TENM1: variants seen among roughly 807,000 people sequenced by gnomAD.
TENM1 encodes the protein teneurin-1.
A neutral mutation model predicts 174.8 loss-of-function variants in TENM1; 35 were observed. The observed-to-expected ratio is 0.20, with a 90% CI of 0.15 to 0.27. TENM1 has a LOEUF of 0.27. TENM1 is among the 10% of genes least tolerant of loss of function. The pLI is 1.00. For synonymous variants in TENM1, 781 were observed against 798.7 expected (o/e 0.98, Z 0.37); for missense variants, 1,633 against 2,130.1 (o/e 0.77, Z 4.59).
intron 20 of TENM1, among the ~76,000 whole-genome samples, chrX:124,495,712 A>G (rs1462317310): frequency 1.9e-5 from 2 of 105,077 alleles, no homozygotes; most frequent in Non-Finnish European, 3.9e-5. Flanking sequence ...GCTCAAGGAA[A>G]TAAAAGAGGA....
chrX:124,516,630 G>A (rs1192053392), intron 18 of TENM1, among the ~76,000 whole-genome samples: 1 of 111,836 alleles, frequency 8.9e-6, no homozygotes. Context: ...TCAGAGAAAT[G>A]CAAATTTTAA....
intron 1 of TENM1, among the ~76,000 whole-genome samples, chrX:124,954,955 G>A (rs987554005): frequency 8.1e-5 from 9 of 111,556 alleles, no homozygotes; most frequent in African/African-American, 2.9e-4. Flanking sequence ...TCTTGGGTGA[G>A]ACCATCAAGT....
At chrX:125,108,745 C>CGT in the TENM1 span, among the ~76,000 whole-genome samples, 2 of 86,367 alleles carry the variant, frequency 2.3e-5, no homozygotes, top group Admixed American at 1.3e-4. Flanking sequence ...CACACACACA[C>CGT]GTGTATATAT....
At chrX:124,835,076 C>G (rs1184572719) in intron 3 of TENM1, among the ~76,000 whole-genome samples, 1 of 111,910 alleles carries the variant, frequency 8.9e-6, no homozygotes, top group Non-Finnish European at 1.9e-5. Flanking sequence ...TCTGGTTAAA[C>G]TAAACTAGCC....
At chrX:124,905,299 A>ATAAC (rs1449442142) in intron 1 of TENM1, among the ~76,000 whole-genome samples, 1 of 109,876 alleles carries the variant, frequency 9.1e-6, no homozygotes, top group Non-Finnish European at 1.9e-5. Context: ...AGACCTCATC[A>ATAAC]TAAATAAATA....
chrX:125,152,737 T>C, the TENM1 span, among the ~76,000 whole-genome samples: 1 of 112,334 alleles, frequency 8.9e-6, no homozygotes, highest in Non-Finnish European at 1.9e-5. Flanking sequence ...GAGGGCAATA[T>C]GGCAAGCCTA....
At chrX:124,483,189 T>C (rs1394481277) in intron 21 of TENM1, among the ~76,000 whole-genome samples, 1 of 112,380 alleles carries the variant, frequency 8.9e-6, no homozygotes, top group Non-Finnish European at 1.9e-5. Flanking sequence ...TAATTCATTC[T>C]TACATGTCTT....
chrX:124,980,538 G>A, the TENM1 span, among the ~76,000 whole-genome samples: 1 of 111,053 alleles, frequency 9.0e-6, no homozygotes, highest in African/African-American at 3.3e-5. Context: ...AGTTAAAATA[G>A]TTTTGGATAG....
the TENM1 span, among the ~76,000 whole-genome samples, chrX:125,136,256 G>C: frequency 9.0e-6 from 1 of 110,931 alleles, no homozygotes; most frequent in African/African-American, 3.3e-5. Context: ...GCTTCTAAGA[G>C]AGCAACTGAG....
At chrX:124,645,452 C>T in intron 9 of TENM1, 115 bp from the exon 13 acceptor site, 1 of 674,664 alleles carries the variant, frequency 1.5e-6, no homozygotes, top group Non-Finnish European at 2.2e-6. Flanking sequence ...TTCTGTCTTA[C>T]CCTTTATTAA....
At chrX:124,630,068 T>C (rs948552610) in intron 11 of TENM1, among the ~76,000 whole-genome samples, 1 of 112,374 alleles carries the variant, frequency 8.9e-6, no homozygotes, top group Non-Finnish European at 1.9e-5. Context: ...TCATCTATTG[T>C]CAATATTCTA....
intron 3 of TENM1, among the ~76,000 whole-genome samples, chrX:124,844,151 G>A (rs750418752): frequency 9.0e-6 from 1 of 111,470 alleles, no homozygotes; most frequent in Non-Finnish European, 1.9e-5. Context: ...TACAGGCAAA[G>A]CCACTCCTTT....
Position 124,841,278 on chromosome X carries a change from T to C in TENM1, c.535+53018A>G, listed in dbSNP as rs148852778. On this transcript the variant is annotated intron_variant, in intron 3 of 31. Transcript: ENST00000422452. ...CACACTTAGATAAACACATCATCTT[T>C]TGTCCTTTTGGTTAAAGAAAGGCAA... is the stretch of plus-strand genomic sequence containing the variant. Among the ~76,000 whole-genome samples the C allele has an allele frequency of 2.5e-3, 280 of 111,983 alleles. 3 individuals are homozygous for C. Among genetic ancestry groups the C allele is most frequent in the African/African-American group, 8.6e-3 (267 of 30,881 alleles).
chrX:124,730,620 TA>T (rs1278367935), intron 4 of TENM1, among the ~76,000 whole-genome samples: 8 of 111,934 alleles, frequency 7.1e-5, no homozygotes, highest in African/African-American at 2.3e-4. Flanking sequence ...GAAAGGGTAG[TA>T]AACATGAGTG....
At chrX:124,607,449 G>A (rs761002628) in intron 11 of TENM1, among the ~76,000 whole-genome samples, 51 of 110,991 alleles carry the variant, frequency 4.6e-4, no homozygotes, top group African/African-American at 1.6e-3. Flanking sequence ...TTGGAGGGAG[G>A]CAGGCAGAAA....
chrX:124,462,461 G>C (rs2061189460), intron 22 of TENM1, among the ~76,000 whole-genome samples: 1 of 106,781 alleles, frequency 9.4e-6, no homozygotes, highest in Admixed American at 1.0e-4. Context: ...GGGAGGGTGT[G>C]TGTGTTTAAT....
At chrX:124,585,099 A>AC (rs1227560483) in intron 11 of TENM1, among the ~76,000 whole-genome samples, 5 of 110,348 alleles carry the variant, frequency 4.5e-5, no homozygotes, top group African/African-American at 6.6e-5. Flanking sequence ...AGACTTTAAC[A>AC]CCCCACTGTC....
intron 18 of TENM1, among the ~76,000 whole-genome samples, chrX:124,519,889 T>C (rs2047801861): frequency 9.0e-6 from 1 of 111,646 alleles, no homozygotes; most frequent in African/African-American, 3.3e-5. Flanking sequence ...AAATAAAACA[T>C]TGGCAAATCT....
intron 3 of TENM1, among the ~76,000 whole-genome samples, chrX:124,888,667 A>G (rs144229786): frequency 0.013 from 1,499 of 112,164 alleles, 33 homozygotes; most frequent in African/African-American, 0.046. Flanking sequence ...CTCTTTGTCT[A>G]ATACGTGATA....
Sources: gnomAD v4.1 joint callset for allele counts (sites outside exome capture counted in the v4.1 genomes callset) on GRCh38, gnomAD v4.1.1 for gene constraint, MANE v1.5 for transcripts, NCBI Gene and HGNC (gene_info 2026-07-23, HGNC 2026-07-21) for gene names.